The following GALNT17 variants were observed in gnomAD, a reference collection of about 807,000 sequenced individuals.
The protein encoded by GALNT17 is polypeptide N-acetylgalactosaminyltransferase 17.
GALNT17 carries 29 observed loss-of-function variants against 63.7 expected under a neutral mutation model. The ratio of observed to expected loss-of-function variants is 0.46; its 90% CI spans 0.34 to 0.62. GALNT17 has a LOEUF of 0.62. Among genes scored for constraint, GALNT17 ranks in the 20% least tolerant of loss-of-function variants. GALNT17 has a pLI of 0.01. For synonymous variants in GALNT17, 305 were observed against 318.3 expected, an observed-to-expected ratio of 0.96 and a Z score of 0.45; for missense variants, 603 against 799.6, an observed-to-expected ratio of 0.75 and a Z score of 2.97.
chr7:71,527,332 T>G (rs1788640683), intron 5 of GALNT17, among the ~76,000 whole-genome samples: 1 of 152,196 alleles, frequency 6.6e-6, no homozygotes, highest in Non-Finnish European at 1.5e-5. Flanking sequence ...ACAAAGTCAT[T>G]GCATAACACC....
intron 2 of GALNT17, among the ~76,000 whole-genome samples, chr7:71,356,591 G>T (rs188864272): frequency 2.0e-5 from 3 of 152,060 alleles, no homozygotes; most frequent in African/African-American, 4.8e-5. Context: ...CAATTAGCTC[G>T]CAGGGAACTC....
At chr7:71,614,758 C>G (rs1413261898) in intron 6 of GALNT17, among the ~76,000 whole-genome samples, 1 of 145,836 alleles carries the variant, frequency 6.9e-6, no homozygotes, top group African/African-American at 2.5e-5. Flanking sequence ...GCGAAAGAAA[C>G]AGAAAGAGAA....
chr7:71,356,737 T>C (rs915478958), intron 2 of GALNT17, among the ~76,000 whole-genome samples: 1 of 152,156 alleles, frequency 6.6e-6, no homozygotes, highest in Non-Finnish European at 1.5e-5. Context: ...GATTTCAATA[T>C]AGCGTGTCAA....
At chr7:71,269,642 G>A (rs1790551287) in intron 1 of GALNT17, among the ~76,000 whole-genome samples, 1 of 152,218 alleles carries the variant, frequency 6.6e-6, no homozygotes, top group African/African-American at 2.4e-5. Context: ...ACTGGGGAGG[G>A]GCAGGAAGCC....
At chr7:71,633,492 G>C (rs1301856406) in intron 6 of GALNT17, among the ~76,000 whole-genome samples, 2 of 152,166 alleles carry the variant, frequency 1.3e-5, no homozygotes, top group African/African-American at 4.8e-5. Context: ...TCTTTTACCA[G>C]GCAGGGAGTG....
At chr7:71,324,635 G>C (rs748289349) in intron 1 of GALNT17, among the ~76,000 whole-genome samples, 8 of 152,138 alleles carry the variant, frequency 5.3e-5, no homozygotes, top group Non-Finnish European at 1.0e-4. Flanking sequence ...TGCAGCCTGG[G>C]TGACAGAGTG....
chr7:71,531,122 CAT>C (rs1200557833), intron 5 of GALNT17, among the ~76,000 whole-genome samples: 5 of 151,878 alleles, frequency 3.3e-5, no homozygotes, highest in East Asian at 1.9e-4. Flanking sequence ...ATATAATTGA[CAT>C]ATAAAAAGTA....
intron 5 of GALNT17, among the ~76,000 whole-genome samples, chr7:71,482,528 C>T (rs1271380707): frequency 6.6e-6 from 1 of 152,156 alleles, no homozygotes; most frequent in Non-Finnish European, 1.5e-5. Context: ...TTATACAACC[C>T]TAAGTGGCCT....
At chr7:71,644,453 C>T (rs945112090) in intron 6 of GALNT17, among the ~76,000 whole-genome samples, 4 of 132,472 alleles carry the variant, frequency 3.0e-5, no homozygotes, top group Admixed American at 8.3e-5. Context: ...GAGAATTGCT[C>T]GGGAGGCCAA....
intron 3 of GALNT17, among the ~76,000 whole-genome samples, chr7:71,390,596 C>T (rs545306849): frequency 4.0e-4 from 61 of 152,298 alleles, no homozygotes; most frequent in African/African-American, 1.2e-3. Flanking sequence ...GACATGCCCA[C>T]GGCTCTCTGC....
At chr7:71,347,555 G>A (rs1188611768) in intron 2 of GALNT17, among the ~76,000 whole-genome samples, 1 of 152,082 alleles carries the variant, frequency 6.6e-6, no homozygotes, top group African/African-American at 2.4e-5. Flanking sequence ...AATATCTACT[G>A]AAAAGTGATA....
intron 5 of GALNT17, among the ~76,000 whole-genome samples, chr7:71,567,619 C>T (rs62459959): frequency 0.026 from 3,939 of 152,280 alleles, 67 homozygotes; most frequent in Middle Eastern, 0.085. Flanking sequence ...TGCACACCAC[C>T]ACGCCCAGCT....
At chr7:71,475,952 T>A (rs1037333921) in intron 5 of GALNT17, among the ~76,000 whole-genome samples, 2 of 152,030 alleles carry the variant, frequency 1.3e-5, no homozygotes, top group Admixed American at 6.6e-5. Flanking sequence ...AAGTAAGCAT[T>A]ACTATATAAA....
At chr7:71,650,893 G>A (rs555854275) in intron 6 of GALNT17, among the ~76,000 whole-genome samples, 17 of 152,164 alleles carry the variant, frequency 1.1e-4, no homozygotes, top group African/African-American at 3.9e-4. Context: ...TATGAGCCTG[G>A]CAGTGACATC....
At chr7:71,256,435 G>T (rs1790291101) in intron 1 of GALNT17, among the ~76,000 whole-genome samples, 1 of 152,196 alleles carries the variant, frequency 6.6e-6, no homozygotes, top group Admixed American at 6.5e-5. Flanking sequence ...GCTGGACATG[G>T]TGGCACATGT....
At chr7:71,226,264 T>A (rs1789678183) in intron 1 of GALNT17, among the ~76,000 whole-genome samples, 1 of 152,186 alleles carries the variant, frequency 6.6e-6, no homozygotes, top group African/African-American at 2.4e-5. Flanking sequence ...GTTAAGGTCT[T>A]AAGTGTCTGT....
intron 3 of GALNT17, among the ~76,000 whole-genome samples, chr7:71,405,426 A>T (rs1793311351): frequency 6.6e-6 from 1 of 152,168 alleles, no homozygotes; most frequent in South Asian, 2.1e-4. Flanking sequence ...CGGGAGTTTG[A>T]GACCAGCCTG....
chr7:71,408,922 A>G (rs1793379360), intron 3 of GALNT17, among the ~76,000 whole-genome samples: 1 of 151,154 alleles, frequency 6.6e-6, no homozygotes, highest in South Asian at 2.1e-4. Flanking sequence ...GTATGTATGT[A>G]TGTATTTATA....
intron 2 of GALNT17, among the ~76,000 whole-genome samples, chr7:71,358,058 A>G (rs1372209099): frequency 1.3e-5 from 2 of 152,186 alleles, no homozygotes; most frequent in African/African-American, 4.8e-5. Context: ...CATGCTGTGG[A>G]AGGTTTGTTC....
Sources: gnomAD v4.1 joint callset for allele counts (sites outside exome capture counted in the v4.1 genomes callset) on GRCh38, gnomAD v4.1.1 for gene constraint, MANE v1.5 for transcripts, NCBI Gene and HGNC (gene_info 2026-07-23, HGNC 2026-07-21) for gene names.